ABHD18: variants seen among roughly 807,000 people sequenced by gnomAD.
ABHD18 encodes cardiolipin-specific deacylase, mitochondrial.
A neutral mutation model predicts 65.9 loss-of-function variants in ABHD18; 55 were observed. That is an observed-to-expected ratio of 0.84 (90% CI 0.67 to 1.05). The LOEUF is 1.05. Among genes scored for constraint, ABHD18 ranks in the 50% least tolerant of loss-of-function variants. The pLI is 0.00. For synonymous variants in ABHD18, 181 were observed against 180.2 expected, an observed-to-expected ratio of 1.00 and a Z score of -0.04; for missense variants, 533 against 558.5, an observed-to-expected ratio of 0.95 and a Z score of 0.46.
chr4:128,000,861 CT>C (rs1243205764), intron 4 of ABHD18, among the ~76,000 whole-genome samples: 12 of 152,112 alleles, frequency 7.9e-5, no homozygotes, highest in African/African-American at 2.9e-4. Flanking sequence ...CCTTGGTAAG[CT>C]GTATTCCTAG....
At chr4:128,024,854 G>A (rs556696583) in intron 10 of ABHD18, among the ~76,000 whole-genome samples, 1 of 151,980 alleles carries the variant, frequency 6.6e-6, no homozygotes, top group African/African-American at 2.4e-5. Context: ...CACCACGCCC[G>A]GCTAATTTCG....
chr4:128,001,872 G>A, intron 4 of ABHD18: 1 of 1,197,274 alleles, frequency 8.4e-7, no homozygotes, highest in Non-Finnish European at 1.1e-6. Flanking sequence ...CCTTGTGCCT[G>A]CCACTCAGAA....
intron 4 of ABHD18, among the ~76,000 whole-genome samples, chr4:127,997,064 C>A (rs1751864831): frequency 6.6e-6 from 1 of 152,144 alleles, no homozygotes; most frequent in African/African-American, 2.4e-5. Flanking sequence ...TAAAGACAGG[C>A]ATAAGAAATT....
chr4:128,007,916 G>A (rs1753890574), intron 4 of ABHD18, among the ~76,000 whole-genome samples: 1 of 152,028 alleles, frequency 6.6e-6, no homozygotes, highest in African/African-American at 2.4e-5. Context: ...TCAACAGCTT[G>A]TACAGCCAAG....
chr4:128,018,036 C>A (rs375430952), intron 8 of ABHD18, among the ~76,000 whole-genome samples: 1 of 152,164 alleles, frequency 6.6e-6, no homozygotes, highest in African/African-American at 2.4e-5. Flanking sequence ...CAAAAGCTTG[C>A]GTGCACACTG....
chr4:127,984,360 G>A lies in ABHD18; in HGVS notation c.114G>A (p.Met38Ile). Reference sequence around the variant, plus strand: ...ATAGACTCTTTGAATTCAGAAAGATGATTGGAAATCGGGAAAGATGCCAGA... The same window carrying A: ...ATAGACTCTTTGAATTCAGAAAGATAATTGGAAATCGGGAAAGATGCCAGA... ...DLKRLFEFRK[M>I]IGNRERCQNL... Residue 38 changes from methionine to isoleucine, a missense_variant, in exon 3 of 13, where the codon ATG becomes ATA. This residue lies in a region of ABHD18 where 309 missense variants were observed against 313.5 expected (regional missense o/e 0.99). Transcript: ENST00000645843. The A allele has an allele frequency of 6.5e-7, 1 of 1,549,974 alleles. No individual in the cohort carries two copies. Among genetic ancestry groups the A allele is most frequent in the East Asian group, 2.4e-5 (1 of 41,026 alleles).
At chr4:127,990,431 G>T (rs978824301) in intron 4 of ABHD18, among the ~76,000 whole-genome samples, 3 of 152,098 alleles carry the variant, frequency 2.0e-5, no homozygotes, top group Non-Finnish European at 4.4e-5. Context: ...AGGTGTGGTG[G>T]CAGGCACCTG....
chr4:128,035,848 G>A lies in ABHD18; in HGVS notation c.*35G>A, dbSNP rs1464729083. ...TATATGTAACCAGTGTGGCCATGAT[G>A]TTTCTTACAAAAGGGAGCTTCATCC... is the stretch of plus-strand genomic sequence containing the variant. On this transcript the variant is annotated 3_prime_UTR_variant, in exon 13 of 13. Coordinates refer to ENST00000645843, the MANE Select transcript of ABHD18 (RefSeq NM_001358451.3). The A allele has an allele frequency of 7.2e-7, 1 of 1,386,298 alleles. No homozygotes were observed. The highest frequency in any genetic ancestry group is 9.8e-7 in the Non-Finnish European group (1 of 1,018,194). The allele number at this position is 1,386,298 out of a possible 1,614,324, so 85.9% of individuals were successfully genotyped here. A position where few individuals can be genotyped will look rare whatever the true frequency, so the allele number is the denominator to read the frequency against.
Position 127,965,508 on chromosome 4 carries a change from T to C in ABHD18, c.-116T>C, listed in dbSNP as rs1744983184. On this transcript the variant is annotated 5_prime_UTR_variant, in exon 1 of 13. Transcript: ENST00000645843. ...CTGGAAAGGTTACCGGAGCTGCGAT[T>C]GGGGCTGGGACCAAAGTTGAGTCCT... 2.8e-6 allele frequency: 1 copy of C among 363,598 alleles called. No individual in the cohort carries two copies. 22.5% of individuals were successfully genotyped at this position (363,598 alleles called of 1,614,324 possible).
chr4:128,029,842 G>T (rs1757954767), intron 11 of ABHD18, among the ~76,000 whole-genome samples: 1 of 151,706 alleles, frequency 6.6e-6, no homozygotes, highest in African/African-American at 2.4e-5. Context: ...AAATAAATTA[G>T]CTGGGTGTGG....
At chr4:127,976,990 A>C (rs1450069054) in intron 1 of ABHD18, among the ~76,000 whole-genome samples, 1 of 151,862 alleles carries the variant, frequency 6.6e-6, no homozygotes, top group South Asian at 2.1e-4. Context: ...GCAGTGAGCC[A>C]AGATCGTGCT....
At chr4:128,035,095 T>A (rs1168818041) in intron 12 of ABHD18, among the ~76,000 whole-genome samples, 1 of 152,182 alleles carries the variant, frequency 6.6e-6, no homozygotes, top group Admixed American at 6.6e-5. Context: ...GAATCTTACA[T>A]TCTGAAAAGT....
intron 6 of ABHD18, among the ~76,000 whole-genome samples, chr4:128,009,964 T>C (rs1451811974): frequency 6.6e-6 from 1 of 152,186 alleles, no homozygotes; most frequent in Non-Finnish European, 1.5e-5. Flanking sequence ...AATATTGGAA[T>C]TTTATGCAAT....
At chr4:127,984,547 C>T (rs910138871) in intron 3 of ABHD18, 124 bp downstream of exon 3, 7 of 523,128 alleles carry the variant, frequency 1.3e-5, no homozygotes, top group Admixed American at 1.0e-4. Flanking sequence ...ATGGATTTTT[C>T]ATTTCATATT....
chr4:127,993,514 C>A (rs1751262853), intron 4 of ABHD18, among the ~76,000 whole-genome samples: 2 of 149,500 alleles, frequency 1.3e-5, no homozygotes, highest in Admixed American at 1.3e-4. Flanking sequence ...TTTTTCCTTT[C>A]CCCCGTCATT....
intron 12 of ABHD18, 134 bp from the exon 13 acceptor site, chr4:128,035,628 C>A: frequency 3.6e-6 from 2 of 557,372 alleles, no homozygotes; most frequent in African/African-American, 3.8e-5. Context: ...GGGTAACTGC[C>A]TATTTCATAG....
At chr4:127,980,825 CAAAAAAAAAAAA>C (rs768450115) in intron 1 of ABHD18, among the ~76,000 whole-genome samples, 6 of 46,538 alleles carry the variant, frequency 1.3e-4, no homozygotes, top group African/African-American at 3.8e-4. Context: ...GACTGCATCT[CAAAAAAAAAAAA>C]AAAAAAAAAA....
At chr4:128,021,054 A>C in intron 9 of ABHD18, 83 bp from the exon 10 acceptor site, 2 of 670,398 alleles carry the variant, frequency 3.0e-6, no homozygotes, top group Non-Finnish European at 4.8e-6. Flanking sequence ...AAAAAAAGGT[A>C]GTCTCACACA....
At chr4:128,005,115 G>C (rs1753385937) in intron 4 of ABHD18, among the ~76,000 whole-genome samples, 1 of 152,168 alleles carries the variant, frequency 6.6e-6, no homozygotes, top group South Asian at 2.1e-4. Context: ...TGTAATCCCA[G>C]CTACTTGGGA....
Sources: gnomAD v4.1 joint callset for allele counts (sites outside exome capture counted in the v4.1 genomes callset) on GRCh38, gnomAD v4.1.1 for gene constraint, gnomAD v4.1.1 regional missense constraint, MANE v1.5 for transcripts, NCBI Gene and HGNC (gene_info 2026-07-23, HGNC 2026-07-21) for gene names.